Variants in GNAO1 observed in about 807,000 individuals in gnomAD.
GNAO1 encodes guanine nucleotide-binding protein G(o) subunit alpha.
For missense variants in GNAO1, 166 were observed against 478.7 expected, an observed-to-expected ratio of 0.35 and a Z score of 6.10; for synonymous variants, 164 against 180.7, an observed-to-expected ratio of 0.91 and a Z score of 0.74.
At chr16:56,278,511 A>T (rs1258865201) in intron 3 of GNAO1, among the ~76,000 whole-genome samples, 1 of 152,180 alleles carries the variant, frequency 6.6e-6, no homozygotes, top group African/African-American at 2.4e-5. Flanking sequence ...AGTGGAAGCC[A>T]CCACTTGGCA....
At chr16:56,197,286 C>T (rs1430551498) in intron 2 of GNAO1, among the ~76,000 whole-genome samples, 1 of 152,216 alleles carries the variant, frequency 6.6e-6, no homozygotes, top group African/African-American at 2.4e-5. Flanking sequence ...TTTCTGCAGT[C>T]ATCTCAATGG....
Position 56,262,515 on chromosome 16 carries a change from A to G in GNAO1, c.162-13416A>G, listed in dbSNP as rs748379253. Among the ~76,000 whole-genome samples, 86 of 152,134 alleles carry G rather than the reference A, an allele frequency of 5.7e-4. 1 individual carries two copies. Among genetic ancestry groups the G allele is most frequent in the Non-Finnish European group, 1.0e-3 (68 of 68,036 alleles). ...TAATGAGCAGGAACATAAATAATGA[A>G]CAAACATACCGTCAACAGGAAGGCA... On this transcript the variant is annotated intron_variant, in intron 2 of 8. Coordinates refer to ENST00000262493, the MANE Select transcript of GNAO1 (RefSeq NM_020988.3).
chr16:56,234,758 C>T (rs1404056368), intron 2 of GNAO1, among the ~76,000 whole-genome samples: 1 of 152,170 alleles, frequency 6.6e-6, no homozygotes, highest in Non-Finnish European at 1.5e-5. Context: ...CCAGTGACCA[C>T]ATTGGGCATG....
Position 56,192,164 on chromosome 16 carries a change from G to T in GNAO1, c.-72G>T. On this transcript the variant is annotated 5_prime_UTR_variant, in exon 1 of 9. Coordinates refer to ENST00000262493, the MANE Select transcript of GNAO1 (RefSeq NM_020988.3). Reference sequence around the variant, plus strand: ...TGAGCCCAGGCTCTGCTCTCTGGGGGGGTGGGGGGCGCTCCAAGCCGGGGA... The same window carrying T: ...TGAGCCCAGGCTCTGCTCTCTGGGGTGGTGGGGGGCGCTCCAAGCCGGGGA... The T allele has an allele frequency of 1.2e-6, 1 of 824,844 alleles. No homozygotes were observed. Among genetic ancestry groups the T allele is most frequent in the East Asian group, 2.7e-5 (1 of 37,708 alleles). The allele number at this position is 824,844 out of a possible 1,614,324, so 51.1% of individuals were successfully genotyped here.
intron 2 of GNAO1, among the ~76,000 whole-genome samples, chr16:56,257,987 G>A (rs1249464734): frequency 2.0e-5 from 3 of 152,174 alleles, no homozygotes; most frequent in African/African-American, 7.2e-5. Flanking sequence ...GTGTCCTTTT[G>A]TGACAATTCT....
intron 2 of GNAO1, among the ~76,000 whole-genome samples, chr16:56,223,941 G>T (rs1379440968): frequency 6.6e-6 from 1 of 152,236 alleles, no homozygotes; most frequent in African/African-American, 2.4e-5. Context: ...ACCAGAAAGA[G>T]TAAATGACTT....
chr16:56,329,223 A>G (rs574239307), intron 4 of GNAO1: 1 of 155,346 alleles, frequency 6.4e-6, no homozygotes, highest in South Asian at 2.0e-4. Flanking sequence ...AAAAATAATA[A>G]GCTTTCCATT....
At chr16:56,342,855 G>C (rs536479896) in intron 6 of GNAO1, among the ~76,000 whole-genome samples, 2 of 152,154 alleles carry the variant, frequency 1.3e-5, no homozygotes, top group African/African-American at 4.8e-5. Context: ...GCTCACACCT[G>C]TAATCCCAGC....
intron 3 of GNAO1, among the ~76,000 whole-genome samples, chr16:56,293,028 A>G (rs1458254931): frequency 4.6e-5 from 7 of 152,198 alleles, no homozygotes; most frequent in Non-Finnish European, 8.8e-5. Context: ...GTTCAGCCTC[A>G]GCTGAGGGTC....
At chr16:56,261,024 A>G (rs1263629001) in intron 2 of GNAO1, among the ~76,000 whole-genome samples, 1 of 152,212 alleles carries the variant, frequency 6.6e-6, no homozygotes. Flanking sequence ...GTAGTCAGAG[A>G]TGTTTGGGGA....
intron 2 of GNAO1, among the ~76,000 whole-genome samples, chr16:56,227,612 C>T (rs2036543567): frequency 7.1e-6 from 1 of 141,530 alleles, no homozygotes; most frequent in Admixed American, 7.8e-5. Context: ...CACTTAAGCC[C>T]AGGAGGTCAA....
At chr16:56,227,931 GC>G (rs1458547735) in intron 2 of GNAO1, among the ~76,000 whole-genome samples, 1 of 152,122 alleles carries the variant, frequency 6.6e-6, no homozygotes. Flanking sequence ...AGTGGAAGCT[GC>G]CATCAGGTAG....
rs143373927 is a variant in GNAO1, at chr16:56,326,399, CAG to C, written c.304-2231_304-2230del. Reference sequence around the variant, plus strand: ...GGTATGTCTGGTGCCTGGGCTGAGACAGGGGCTTGCTGTCCTCAAGACAGCTT... The same window carrying C: ...GGTATGTCTGGTGCCTGGGCTGAGACGGGCTTGCTGTCCTCAAGACAGCTT... On this transcript the variant is annotated intron_variant, in intron 3 of 8. Coordinates refer to ENST00000262493, the MANE Select transcript of GNAO1 (RefSeq NM_020988.3). This position sits in a 1 kb window ranked among gnomAD's most constrained non-coding sequence, Gnocchi z 4.8. Among the ~76,000 whole-genome samples the C allele has an allele frequency of 6.3e-3, 966 of 152,272 alleles. 9 individuals carry two copies. Among genetic ancestry groups the C allele is most frequent in the African/African-American group, 0.021 (868 of 41,544 alleles).
intron 2 of GNAO1, among the ~76,000 whole-genome samples, chr16:56,206,718 A>AT (rs2036333275): frequency 6.6e-6 from 1 of 152,188 alleles, no homozygotes; most frequent in African/African-American, 2.4e-5. Context: ...CAAAATGCAT[A>AT]TTTTTTAATC....
intron 3 of GNAO1, among the ~76,000 whole-genome samples, chr16:56,314,597 T>TG (rs2037490142): frequency 6.6e-6 from 1 of 152,204 alleles, no homozygotes; most frequent in African/African-American, 2.4e-5. Flanking sequence ...TTTGCTTTCT[T>TG]GGCATGCATG....
At chr16:56,281,622 T>C (rs1381772628) in intron 3 of GNAO1, among the ~76,000 whole-genome samples, 4 of 150,608 alleles carry the variant, frequency 2.7e-5, no homozygotes, top group Admixed American at 2.6e-4. Context: ...CTCCCTCCCT[T>C]CCTCCTCACT....
intron 3 of GNAO1, among the ~76,000 whole-genome samples, chr16:56,292,860 G>A (rs1258681638): frequency 6.6e-6 from 1 of 152,206 alleles, no homozygotes; most frequent in Non-Finnish European, 1.5e-5. Context: ...TGACACTCTG[G>A]AAAATGCCCA....
chr16:56,196,783 C>T (rs1596791167), intron 2 of GNAO1, among the ~76,000 whole-genome samples: 1 of 152,192 alleles, frequency 6.6e-6, no homozygotes, highest in Non-Finnish European at 1.5e-5. Context: ...TTTGGTTGTG[C>T]GTCCATTCCC....
chr16:56,225,617 G>T (rs1189880967), intron 2 of GNAO1, among the ~76,000 whole-genome samples: 1 of 152,136 alleles, frequency 6.6e-6, no homozygotes, highest in Non-Finnish European at 1.5e-5. Context: ...CTAATGGGAG[G>T]GTGGAGTTCA....
Sources: allele counts gnomAD v4.1 joint callset (sites outside exome capture counted in the v4.1 genomes callset), GRCh38; gene constraint gnomAD v4.1.1; non-coding constraint Gnocchi (gnomAD v3.1); transcripts MANE v1.5; gene names NCBI Gene and HGNC (gene_info 2026-07-23, HGNC 2026-07-21).